ST6GALNAC3: variants seen among roughly 807,000 people sequenced by gnomAD.
ST6GALNAC3 encodes the protein alpha-N-acetylgalactosaminide alpha-2,6-sialyltransferase 3.
ST6GALNAC3 carries 25 observed loss-of-function variants against 32.7 expected under a neutral mutation model. That is an observed-to-expected ratio of 0.76 (90% CI 0.56 to 1.07). The LOEUF (loss-of-function observed/expected upper bound fraction) is 1.07. Ranked by LOEUF, ST6GALNAC3 falls within the 50% of genes least tolerant of loss-of-function variation. The pLI is 0.00. For synonymous variants in ST6GALNAC3, 129 were observed against 133.1 expected (o/e 0.97, Z 0.21); for missense variants, 355 against 382.4 (o/e 0.93, Z 0.60).
In ST6GALNAC3 at chr1:76,341,678, T is replaced by TTTCTTTCTTTCTTTCTTTCC. The variant is rs1421303857; in HGVS notation, c.213+27682_213+27683insTTTCTTTCTTTCTTTCCTTC. 1.4e-3 allele frequency among the ~76,000 whole-genome samples: 170 copies of TTTCTTTCTTTCTTTCTTTCC among 121,256 alleles called. 12 individuals carry two copies. Among genetic ancestry groups the TTTCTTTCTTTCTTTCTTTCC allele is most frequent in the African/African-American group, 2.1e-3 (57 of 27,786 alleles). 79.5% of individuals were successfully genotyped at this position (121,256 alleles called of 152,430 possible). A position where few individuals can be genotyped will look rare whatever the true frequency, so the allele number is the denominator to read the frequency against. On this transcript the variant is annotated intron_variant, in intron 2 of 4. Coordinates refer to ENST00000328299, the MANE Select transcript of ST6GALNAC3 (RefSeq NM_152996.4). ...CTTTCTTTCTTTCTTTCTTTCTTTC[T>TTTCTTTCTTTCTTTCTTTCC]TTCCTTCTTTCTTTCTTTCTTTCTT...
intron 1 of ST6GALNAC3, among the ~76,000 whole-genome samples, chr1:76,186,414 C>G (rs1653558264): frequency 1.3e-5 from 2 of 152,054 alleles, no homozygotes; most frequent in Admixed American, 1.3e-4. Context: ...ATGTCTCAGG[C>G]AATATTCTAG....
rs574274194 is a variant in ST6GALNAC3, at chr1:76,131,981, T to G, written c.18+57097T>G. On this transcript the variant is annotated intron_variant, in intron 1 of 4. Transcript: ENST00000328299. ...AATGGTCTTGCCCATAAGTACATGTTTATTTGTTTTCTATGGGCTACCATG... is the reference window on the plus strand; with the variant it reads ...AATGGTCTTGCCCATAAGTACATGTGTATTTGTTTTCTATGGGCTACCATG... Among the ~76,000 whole-genome samples, 7 of 152,260 alleles carry G rather than the reference T, an allele frequency of 4.6e-5. No homozygotes were observed. In the South Asian group the frequency reaches 1.2e-3, roughly 27 times the overall value.
At chr1:76,549,991 G>T (rs780250246) in intron 3 of ST6GALNAC3, among the ~76,000 whole-genome samples, 32 of 152,150 alleles carry the variant, frequency 2.1e-4, no homozygotes, top group Non-Finnish European at 4.3e-4. Context: ...ATAAAAATTT[G>T]TGTCCATTTC....
At chr1:76,452,546 T>A (rs182306738) in intron 3 of ST6GALNAC3, among the ~76,000 whole-genome samples, 87 of 152,146 alleles carry the variant, frequency 5.7e-4, no homozygotes, top group African/African-American at 2.0e-3. Context: ...CATGTGATTT[T>A]TGTTTTTAAT....
chr1:76,305,702 G>A (rs1324701475), intron 1 of ST6GALNAC3, among the ~76,000 whole-genome samples: 1 of 152,068 alleles, frequency 6.6e-6, no homozygotes, highest in Non-Finnish European at 1.5e-5. Context: ...CTCTTACTAG[G>A]AGAATATAGT....
intron 3 of ST6GALNAC3, among the ~76,000 whole-genome samples, chr1:76,570,597 A>G (rs760502048): frequency 8.6e-5 from 13 of 152,036 alleles, no homozygotes; most frequent in Non-Finnish European, 1.8e-4. Flanking sequence ...CAAACAGTTG[A>G]TTCTTTATAC....
chr1:76,481,847 G>A (rs1045661369), intron 3 of ST6GALNAC3, among the ~76,000 whole-genome samples: 37 of 151,944 alleles, frequency 2.4e-4, no homozygotes, highest in Non-Finnish European at 4.7e-4. Context: ...CAAATGTCTG[G>A]GGCTCCACTA....
chr1:76,378,972 C>T (rs567728481), intron 2 of ST6GALNAC3, among the ~76,000 whole-genome samples: 202 of 152,280 alleles, frequency 1.3e-3, no homozygotes, highest in African/African-American at 4.7e-3. Context: ...TCTTGGCTCA[C>T]TGCAACCTCT....
intron 1 of ST6GALNAC3, among the ~76,000 whole-genome samples, chr1:76,180,647 A>G (rs903039298): frequency 7.2e-5 from 11 of 152,198 alleles, no homozygotes; most frequent in Non-Finnish European, 1.5e-4. Context: ...ATGAGCAGAC[A>G]AATGGCAGAA....
intron 3 of ST6GALNAC3, among the ~76,000 whole-genome samples, chr1:76,566,488 T>C (rs2100462436): frequency 6.6e-6 from 1 of 152,234 alleles, no homozygotes; most frequent in Non-Finnish European, 1.5e-5. Flanking sequence ...GCATCTTCAC[T>C]GTCCCTCTGC....
At chr1:76,316,649 TG>T (rs1267315794) in intron 2 of ST6GALNAC3, among the ~76,000 whole-genome samples, 7 of 151,708 alleles carry the variant, frequency 4.6e-5, no homozygotes, top group Non-Finnish European at 8.8e-5. Context: ...CTGAGAGGAG[TG>T]GGCAGCTTGT....
chr1:76,225,618 T>C (rs562019530), intron 1 of ST6GALNAC3, among the ~76,000 whole-genome samples: 155 of 152,304 alleles, frequency 1.0e-3, no homozygotes, highest in African/African-American at 3.7e-3. Flanking sequence ...TGCTTCACTC[T>C]ATTTAGAGAG....
At chr1:76,231,513 C>G (rs748986958) in intron 1 of ST6GALNAC3, among the ~76,000 whole-genome samples, 4 of 152,200 alleles carry the variant, frequency 2.6e-5, no homozygotes, top group Non-Finnish European at 5.9e-5. Flanking sequence ...TCCTGCCATT[C>G]CCTCACAATT....
chr1:76,455,666 T>C (rs1353731154), intron 3 of ST6GALNAC3, among the ~76,000 whole-genome samples: 2 of 152,160 alleles, frequency 1.3e-5, no homozygotes, highest in Admixed American at 6.6e-5. Flanking sequence ...ATTTTTTGCC[T>C]TCTCTCTGGG....
chr1:76,228,413 C>A (rs774487539), intron 1 of ST6GALNAC3, among the ~76,000 whole-genome samples: 1 of 152,162 alleles, frequency 6.6e-6, no homozygotes, highest in African/African-American at 2.4e-5. Context: ...TAAATACTTG[C>A]ATTAGGTTAA....
chr1:76,350,897 C>T (rs935904785), intron 2 of ST6GALNAC3, among the ~76,000 whole-genome samples: 1 of 152,154 alleles, frequency 6.6e-6, no homozygotes, highest in African/African-American at 2.4e-5. Context: ...TCTCAATTTT[C>T]TGACACATTT....
intron 2 of ST6GALNAC3, among the ~76,000 whole-genome samples, chr1:76,319,630 G>A (rs1187865439): frequency 5.9e-5 from 9 of 152,148 alleles, no homozygotes; most frequent in Admixed American, 5.9e-4. Context: ...TAAGTATATT[G>A]AGAGCAATTA....
chr1:76,434,811 G>C (rs1234835552), intron 3 of ST6GALNAC3, among the ~76,000 whole-genome samples: 1 of 67,792 alleles, frequency 1.5e-5, no homozygotes, highest in African/African-American at 5.5e-5. Flanking sequence ...TTTTTTTTGA[G>C]ACAGGGTTTC....
intron 3 of ST6GALNAC3, among the ~76,000 whole-genome samples, chr1:76,603,308 A>G (rs1647318507): frequency 6.6e-6 from 1 of 152,212 alleles, no homozygotes. Flanking sequence ...GAAAACTGGA[A>G]TCATCTCAAA....
Sources: allele counts gnomAD v4.1 joint callset (sites outside exome capture counted in the v4.1 genomes callset), GRCh38; gene constraint gnomAD v4.1.1; transcripts MANE v1.5; gene names NCBI Gene and HGNC (gene_info 2026-07-23, HGNC 2026-07-21).